AKT3: variants seen among roughly 807,000 people sequenced by gnomAD.
AKT3 encodes AKT serine/threonine kinase 3.
Under a neutral mutation model 65.3 loss-of-function variants are expected in AKT3, and 15 were observed. The observed-to-expected ratio is 0.23, with a 90% CI of 0.15 to 0.35. The LOEUF (loss-of-function observed/expected upper bound fraction) is 0.35, where lower values mean the gene tolerates loss of function less well. Ranked by LOEUF, AKT3 falls within the 10% of genes least tolerant of loss-of-function variation. AKT3 has a pLI of 1.00. For missense variants in AKT3, 243 were observed against 576.5 expected (o/e 0.42, Z 5.92); for synonymous variants, 206 against 183.8 (o/e 1.12, Z -0.98).
At chr1:243,520,565 T>C (rs148383522) in intron 12 of AKT3, among the ~76,000 whole-genome samples, 2 of 152,334 alleles carry the variant, frequency 1.3e-5, no homozygotes, top group African/African-American at 2.4e-5. Context: ...GATAGTCATA[T>C]ATATTTCTGT....
At chr1:243,489,157 G>T in intron 13 of AKT3, 2 of 1,610,564 alleles carry the variant, frequency 1.2e-6, no homozygotes, top group Non-Finnish European at 1.7e-6. Flanking sequence ...TGCAGAACGC[G>T]GCGCAGGTGG....
At chr1:243,844,311 G>A (rs940526027) in intron 1 of AKT3, among the ~76,000 whole-genome samples, 23 of 152,148 alleles carry the variant, frequency 1.5e-4, no homozygotes, top group Admixed American at 2.6e-4. Flanking sequence ...CTGAACCCAG[G>A]CTGTCTGACT....
intron 9 of AKT3, among the ~76,000 whole-genome samples, chr1:243,568,316 A>G (rs1201992547): frequency 1.3e-5 from 2 of 152,212 alleles, no homozygotes; most frequent in Non-Finnish European, 2.9e-5. Context: ...ATCCACTAAC[A>G]AAAGTAGTGA....
At chr1:243,499,648 C>T (rs1277131232), downstream of AKT3, 1 of 910,852 alleles carries the variant, frequency 1.1e-6, no homozygotes, top group South Asian at 1.4e-5. Flanking sequence ...AGGTTTTTTT[C>T]TCCAACAACA....
chr1:243,630,770 A>G (rs1679546694), intron 6 of AKT3, among the ~76,000 whole-genome samples: 1 of 152,132 alleles, frequency 6.6e-6, no homozygotes. Context: ...TTCTGTAACT[A>G]TACTTAAGTC....
chr1:243,755,364 G>A (rs909568537), intron 2 of AKT3, among the ~76,000 whole-genome samples: 9 of 151,784 alleles, frequency 5.9e-5, no homozygotes, highest in Middle Eastern at 3.4e-3. Context: ...ATAAGTCGCC[G>A]TGCCCGGTCT....
chr1:243,820,645 C>T (rs1388660121), intron 2 of AKT3, among the ~76,000 whole-genome samples: 1 of 152,144 alleles, frequency 6.6e-6, no homozygotes, highest in Non-Finnish European at 1.5e-5. Context: ...ACGAGAACTT[C>T]ACAATGGAAC....
chr1:243,796,515 G>A (rs1208446881), intron 2 of AKT3, among the ~76,000 whole-genome samples: 1 of 152,108 alleles, frequency 6.6e-6, no homozygotes, highest in East Asian at 1.9e-4. Context: ...TAAAAGCCAA[G>A]GTCTTTCAAA....
chr1:243,652,458 C>A (rs1312265304), intron 4 of AKT3, among the ~76,000 whole-genome samples: 4 of 151,838 alleles, frequency 2.6e-5, no homozygotes, highest in African/African-American at 9.7e-5. Context: ...GCACTAAACA[C>A]GCAAAGGAAC....
chr1:243,593,011 G>GA (rs1215515796), intron 8 of AKT3, among the ~76,000 whole-genome samples: 2 of 151,976 alleles, frequency 1.3e-5, no homozygotes, highest in African/African-American at 4.8e-5. Context: ...CACAAAATGG[G>GA]AAAAAAAGTT....
chr1:243,825,440 A>G (rs1008907879), intron 2 of AKT3, among the ~76,000 whole-genome samples: 3 of 152,230 alleles, frequency 2.0e-5, no homozygotes, highest in Non-Finnish European at 4.4e-5. Flanking sequence ...TCTGCATCAT[A>G]AAGTATTTTA....
At chr1:243,642,517 G>T (rs546501559) in intron 5 of AKT3, among the ~76,000 whole-genome samples, 30 of 152,152 alleles carry the variant, frequency 2.0e-4, no homozygotes, top group African/African-American at 4.3e-4. Context: ...CACCGTGTTA[G>T]CCAGGATGGT....
chr1:243,556,768 G>A (rs192800211), intron 10 of AKT3, among the ~76,000 whole-genome samples: 52 of 152,012 alleles, frequency 3.4e-4, no homozygotes, highest in African/African-American at 1.2e-3. Context: ...ATTTATGGGA[G>A]CCCTTCAGAT....
At chr1:243,697,260 T>C (rs1050011878) in intron 2 of AKT3, among the ~76,000 whole-genome samples, 10 of 152,024 alleles carry the variant, frequency 6.6e-5, no homozygotes, top group Non-Finnish European at 1.0e-4. Context: ...CTTTCCATTT[T>C]TACAAATCTA....
At chr1:243,727,425 A>G (rs1687278965) in intron 2 of AKT3, among the ~76,000 whole-genome samples, 1 of 152,066 alleles carries the variant, frequency 6.6e-6, no homozygotes, top group African/African-American at 2.4e-5. Flanking sequence ...GACTTCAGGC[A>G]TGCACTACCA....
intron 2 of AKT3, among the ~76,000 whole-genome samples, chr1:243,696,449 A>G (rs1019484618): frequency 6.6e-6 from 1 of 151,962 alleles, no homozygotes; most frequent in East Asian, 1.9e-4. Flanking sequence ...TTTAGCAACT[A>G]CATTACAATT....
intron 4 of AKT3, among the ~76,000 whole-genome samples, chr1:243,653,006 A>T (rs1681491802): frequency 6.6e-6 from 1 of 151,930 alleles, no homozygotes. Flanking sequence ...ACACAATAAT[A>T]GTGGGAGAAA....
intron 8 of AKT3, among the ~76,000 whole-genome samples, chr1:243,595,670 T>C (rs1007706319): frequency 8.5e-5 from 13 of 152,176 alleles, no homozygotes; most frequent in Admixed American, 5.2e-4. Context: ...AGCCTAAACC[T>C]ACACAGTCAG....
At position 243,569,757 on chromosome 1, in the gene AKT3, G is replaced by T. The variant is rs184800001; in HGVS notation, c.819+3169C>A. On this transcript the variant is annotated intron_variant, in intron 9 of 13. Transcript: ENST00000673466. The stretch of plus-strand genomic sequence containing the variant: ...ATTATTTTCTCCCATAAACTAGCAA[G>T]AAATTAATTCTTAATGATTTCCAAT... Among the ~76,000 whole-genome samples, 19 of 152,282 alleles carry T rather than the reference G, an allele frequency of 1.2e-4. No individual in the cohort carries two copies. In the East Asian group the frequency reaches 3.7e-3, roughly 29 times the overall value.
Sources: allele counts gnomAD v4.1 joint callset (sites outside exome capture counted in the v4.1 genomes callset), GRCh38; gene constraint gnomAD v4.1.1; transcripts MANE v1.5; gene names NCBI Gene and HGNC (gene_info 2026-07-23, HGNC 2026-07-21).